Variants in NMNAT2 observed in about 807,000 individuals in gnomAD.
NMNAT2 encodes the protein nicotinamide/nicotinic acid mononucleotide adenylyltransferase 2.
In NMNAT2, 11 loss-of-function variants were observed where a neutral mutation model predicts 41.6. The ratio of observed to expected loss-of-function variants is 0.26; its 90% CI spans 0.17 to 0.44. NMNAT2 has a LOEUF of 0.44. Ranked by LOEUF, NMNAT2 falls within the 20% of genes least tolerant of loss-of-function variation. The probability of loss-of-function intolerance (pLI) is 1.00; values close to 1 mark genes in which losing one functional copy is unlikely to be tolerated. For missense variants in NMNAT2, 288 were observed against 407.7 expected, an observed-to-expected ratio of 0.71 and a Z score of 2.53; for synonymous variants, 148 against 151.2, an observed-to-expected ratio of 0.98 and a Z score of 0.16.
At chr1:183,370,005 A>C (rs916257737) in intron 1 of NMNAT2, among the ~76,000 whole-genome samples, 11 of 152,158 alleles carry the variant, frequency 7.2e-5, no homozygotes, top group Admixed American at 7.2e-4. Flanking sequence ...CCGCTAGGTC[A>C]TGCTAAAGAG....
At chr1:183,306,759 C>G (rs966344022) in intron 1 of NMNAT2, among the ~76,000 whole-genome samples, 3 of 152,180 alleles carry the variant, frequency 2.0e-5, no homozygotes, top group Admixed American at 1.3e-4. Flanking sequence ...CTAACCTCCC[C>G]CTAGAGGCAA....
chr1:183,330,848 G>A (rs1662567204), intron 1 of NMNAT2, among the ~76,000 whole-genome samples: 1 of 152,166 alleles, frequency 6.6e-6, no homozygotes, highest in Non-Finnish European at 1.5e-5. Context: ...GATATCTAGA[G>A]TAAAATGTGC....
At chr1:183,330,612 C>G (rs759511880) in intron 1 of NMNAT2, among the ~76,000 whole-genome samples, 16 of 152,198 alleles carry the variant, frequency 1.1e-4, no homozygotes, top group Non-Finnish European at 2.1e-4. Flanking sequence ...CTCCCCATCC[C>G]AAAGCAAAAC....
intron 6 of NMNAT2, 147 bp downstream of exon 6, chr1:183,284,563 G>T: frequency 2.8e-6 from 2 of 721,564 alleles, no homozygotes; most frequent in Admixed American, 2.0e-5. Flanking sequence ...CCTGTGTGGG[G>T]GGATACGTTG....
chr1:183,388,019 A>G (rs1241922026), intron 1 of NMNAT2, among the ~76,000 whole-genome samples: 1 of 152,168 alleles, frequency 6.6e-6, no homozygotes, highest in East Asian at 1.9e-4. Context: ...TGTGCCAGGC[A>G]CTCTTCTAAT....
intron 1 of NMNAT2, among the ~76,000 whole-genome samples, chr1:183,331,643 C>A (rs1349424724): frequency 6.6e-6 from 1 of 152,356 alleles, no homozygotes; most frequent in Middle Eastern, 3.4e-3. Flanking sequence ...CAGCCTCAGG[C>A]GTGAGCCTTC....
At chr1:183,400,375 C>T in intron 1 of NMNAT2, among the ~76,000 whole-genome samples, 1 of 152,184 alleles carries the variant, frequency 6.6e-6, no homozygotes, top group Non-Finnish European at 1.5e-5. Flanking sequence ...AGGACCTCTT[C>T]ATGGAGAACT....
intron 1 of NMNAT2, among the ~76,000 whole-genome samples, chr1:183,342,750 T>C (rs936336045): frequency 6.6e-6 from 1 of 152,096 alleles, no homozygotes; most frequent in Non-Finnish European, 1.5e-5. Context: ...TAATTTTTTT[T>C]TGAGACAGGG....
intron 1 of NMNAT2, among the ~76,000 whole-genome samples, chr1:183,319,122 T>C (rs538296740): frequency 3.3e-5 from 5 of 152,238 alleles, no homozygotes; most frequent in Non-Finnish European, 7.4e-5. Flanking sequence ...TATGCTGAAG[T>C]AGAAGTCAAG....
chr1:183,334,556 C>G (rs1486718862), intron 1 of NMNAT2, among the ~76,000 whole-genome samples: 1 of 151,292 alleles, frequency 6.6e-6, no homozygotes, highest in Non-Finnish European at 1.5e-5. Context: ...GCTCTGTCTC[C>G]CAGGCTGGAG....
intron 1 of NMNAT2, among the ~76,000 whole-genome samples, chr1:183,308,175 A>G (rs1662038615): frequency 6.6e-6 from 1 of 152,204 alleles, no homozygotes; most frequent in South Asian, 2.1e-4. Context: ...CTTTTCCCTC[A>G]ACTGACCCAG....
intron 1 of NMNAT2, among the ~76,000 whole-genome samples, chr1:183,357,830 T>C (rs1015935560): frequency 2.0e-5 from 3 of 152,208 alleles, no homozygotes; most frequent in African/African-American, 7.2e-5. Context: ...TCATGTCCTT[T>C]GCCCACTTTT....
chr1:183,288,086 C>T (rs1661441476), intron 4 of NMNAT2, among the ~76,000 whole-genome samples: 1 of 152,162 alleles, frequency 6.6e-6, no homozygotes, highest in Non-Finnish European at 1.5e-5. Flanking sequence ...ATTACTTCAC[C>T]ACCAGAAAAG....
chr1:183,354,462 A>T (rs1431904889), intron 1 of NMNAT2, among the ~76,000 whole-genome samples: 4 of 123,024 alleles, frequency 3.3e-5, no homozygotes, highest in African/African-American at 9.6e-5. Flanking sequence ...TCCAGGCTGG[A>T]GTGCAGTGGT....
chr1:183,360,169 T>A (rs868464840), intron 1 of NMNAT2, among the ~76,000 whole-genome samples: 11 of 152,320 alleles, frequency 7.2e-5, no homozygotes, highest in African/African-American at 2.4e-4. Context: ...TCAGAAGCCT[T>A]GCAATCCATT....
intron 8 of NMNAT2, among the ~76,000 whole-genome samples, chr1:183,267,726 C>T (rs1196810574): frequency 2.0e-5 from 3 of 152,096 alleles, no homozygotes; most frequent in Non-Finnish European, 4.4e-5. Context: ...TATTTTTCTG[C>T]TCGAGGGGAC....
Position 183,354,533 on chromosome 1 carries a change from TC to T in NMNAT2, c.86-60741del, listed in dbSNP as rs375165111. Among the ~76,000 whole-genome samples, 510 of 148,972 alleles carry T rather than the reference TC, an allele frequency of 3.4e-3. 4 individuals carry two copies. Among genetic ancestry groups the T allele is most frequent in the African/African-American group, 0.012 (489 of 40,530 alleles). ...CTAAGGTGATCCTCCTACCTCAGCC[TC>T]CTGAGTAGCTAGGACTACAGGCATG... On this transcript the variant is annotated intron_variant, in intron 1 of 10. Transcript: ENST00000287713.
At chr1:183,302,372 C>T (rs934372064) in intron 1 of NMNAT2, among the ~76,000 whole-genome samples, 4 of 152,212 alleles carry the variant, frequency 2.6e-5, no homozygotes, top group African/African-American at 7.2e-5. Flanking sequence ...CCCACTGGGA[C>T]GGGGTGGCCT....
At chr1:183,388,987 G>A (rs1187937321) in intron 1 of NMNAT2, among the ~76,000 whole-genome samples, 2 of 152,162 alleles carry the variant, frequency 1.3e-5, no homozygotes, top group Non-Finnish European at 2.9e-5. Flanking sequence ...ACACGTCATG[G>A]AGCACAAGGA....
Sources: gnomAD v4.1 joint callset for allele counts (sites outside exome capture counted in the v4.1 genomes callset) on GRCh38, gnomAD v4.1.1 for gene constraint, MANE v1.5 for transcripts, NCBI Gene and HGNC (gene_info 2026-07-23, HGNC 2026-07-21) for gene names.